LRP1B: variants seen among roughly 807,000 people sequenced by gnomAD.
LRP1B encodes low-density lipoprotein receptor-related protein 1B.
In LRP1B, 217 loss-of-function variants were observed where a neutral mutation model predicts 556.6. The observed-to-expected ratio is 0.39, with a 90% CI of 0.35 to 0.44. The LOEUF is 0.44. Ranked by LOEUF, LRP1B falls within the 20% of genes least tolerant of loss-of-function variation. The pLI is 1.00. For missense variants in LRP1B, 5,053 were observed against 5,620.8 expected (o/e 0.90, Z 3.23); for synonymous variants, 2,047 against 1,865.8 (o/e 1.10, Z -2.50).
At chr2:141,422,703 T>C (rs1488591537) in intron 3 of LRP1B, among the ~76,000 whole-genome samples, 2 of 152,222 alleles carry the variant, frequency 1.3e-5, no homozygotes, top group African/African-American at 4.8e-5. Context: ...TATATACTTG[T>C]TGATAATGAT....
At chr2:141,967,790 T>C (rs1419304056) in intron 1 of LRP1B, among the ~76,000 whole-genome samples, 1 of 151,852 alleles carries the variant, frequency 6.6e-6, no homozygotes, top group Non-Finnish European at 1.5e-5. Context: ...TTGCTATGTA[T>C]AGAAATGATA....
chr2:140,762,836 A>C (rs1161410074), intron 35 of LRP1B, among the ~76,000 whole-genome samples: 1 of 152,160 alleles, frequency 6.6e-6, no homozygotes, highest in African/African-American at 2.4e-5. Flanking sequence ...TTTTTTAAAT[A>C]AATGCTATCA....
chr2:141,714,701 C>G (rs1392875794), intron 2 of LRP1B, among the ~76,000 whole-genome samples: 1 of 152,020 alleles, frequency 6.6e-6, no homozygotes. Flanking sequence ...GAGCAGGGTT[C>G]AGAGTTGGAA....
At chr2:141,463,588 A>G (rs1225902378) in intron 3 of LRP1B, among the ~76,000 whole-genome samples, 1 of 95,058 alleles carries the variant, frequency 1.1e-5, no homozygotes, top group Non-Finnish European at 1.9e-5. Context: ...ATAATTATAT[A>G]TAATATATAT....
intron 41 of LRP1B, among the ~76,000 whole-genome samples, chr2:140,628,207 C>G (rs1268078293): frequency 6.6e-6 from 1 of 152,006 alleles, no homozygotes; most frequent in Non-Finnish European, 1.5e-5. Flanking sequence ...CAGAGGACAC[C>G]AAGTAAAATA....
chr2:141,820,792 A>G (rs1696726051), intron 1 of LRP1B, among the ~76,000 whole-genome samples: 1 of 152,208 alleles, frequency 6.6e-6, no homozygotes, highest in Non-Finnish European at 1.5e-5. Flanking sequence ...GCCAAATAAG[A>G]ATAAAATTTG....
chr2:140,315,233 G>GA (rs1319760056), intron 82 of LRP1B, 134 bp from the exon 83 acceptor site: 2 of 561,304 alleles, frequency 3.6e-6, no homozygotes, highest in Admixed American at 3.7e-5. Flanking sequence ...TACAAAAGAA[G>GA]AAAAAATTAA....
intron 15 of LRP1B, among the ~76,000 whole-genome samples, chr2:140,999,974 C>T (rs998739042): frequency 6.6e-6 from 1 of 151,986 alleles, no homozygotes; most frequent in Non-Finnish European, 1.5e-5. Flanking sequence ...AGCAGTGGCA[C>T]ATACAATCAC....
chr2:141,978,954 C>G (rs1342278104), intron 1 of LRP1B, among the ~76,000 whole-genome samples: 1 of 151,500 alleles, frequency 6.6e-6, no homozygotes, highest in Non-Finnish European at 1.5e-5. Flanking sequence ...GATAAGAAAA[C>G]TGACCATCTT....
intron 41 of LRP1B, among the ~76,000 whole-genome samples, chr2:140,634,717 A>C (rs983647220): frequency 1.3e-5 from 2 of 152,060 alleles, no homozygotes; most frequent in African/African-American, 4.8e-5. Flanking sequence ...ATGAGAAAAA[A>C]AGACAATGGA....
chr2:141,449,335 A>C (rs1476890562), intron 3 of LRP1B, among the ~76,000 whole-genome samples: 1 of 152,218 alleles, frequency 6.6e-6, no homozygotes, highest in Non-Finnish European at 1.5e-5. Flanking sequence ...GTTGCATGCA[A>C]ATGTGAATAA....
chr2:140,349,488 G>C (rs1317359368), intron 77 of LRP1B, among the ~76,000 whole-genome samples: 1 of 151,342 alleles, frequency 6.6e-6, no homozygotes, highest in Non-Finnish European at 1.5e-5. Flanking sequence ...AAAATACATA[G>C]AATTAATGTA....
intron 35 of LRP1B, among the ~76,000 whole-genome samples, chr2:140,735,494 G>A (rs1559085114): frequency 6.6e-6 from 1 of 152,118 alleles, no homozygotes; most frequent in Non-Finnish European, 1.5e-5. Context: ...CTCCAGAGAG[G>A]TTCAAATGTT....
At chr2:141,439,503 C>T (rs1680881781) in intron 3 of LRP1B, among the ~76,000 whole-genome samples, 1 of 151,576 alleles carries the variant, frequency 6.6e-6, no homozygotes, top group Non-Finnish European at 1.5e-5. Flanking sequence ...TAAGTAATAA[C>T]ACATAAAACT....
intron 84 of LRP1B, among the ~76,000 whole-genome samples, chr2:140,291,906 A>AC (rs1683405293): frequency 6.6e-6 from 1 of 152,146 alleles, no homozygotes; most frequent in Admixed American, 6.6e-5. Flanking sequence ...CAATGGTTGA[A>AC]CTAGTTTACA....
At chr2:140,587,572 G>A (rs1682036408) in intron 43 of LRP1B, among the ~76,000 whole-genome samples, 1 of 152,170 alleles carries the variant, frequency 6.6e-6, no homozygotes, top group African/African-American at 2.4e-5. Context: ...AGGCTGGAGT[G>A]AAGATGGGAT....
intron 2 of LRP1B, among the ~76,000 whole-genome samples, chr2:141,489,314 CA>C (rs1683247278): frequency 1.3e-5 from 2 of 151,838 alleles, no homozygotes; most frequent in African/African-American, 4.8e-5. Context: ...GCTTTTCACA[CA>C]CAGTTAGATC....
At chr2:141,786,851 T>C (rs1695443757) in intron 2 of LRP1B, among the ~76,000 whole-genome samples, 1 of 152,014 alleles carries the variant, frequency 6.6e-6, no homozygotes, top group Admixed American at 6.6e-5. Context: ...TCATCATTAA[T>C]ACATGTTGAA....
At chr2:142,123,782 A>G (rs571914563) in intron 1 of LRP1B, among the ~76,000 whole-genome samples, 2 of 152,054 alleles carry the variant, frequency 1.3e-5, no homozygotes, top group South Asian at 4.1e-4. Flanking sequence ...GAAACTTTTA[A>G]ATACACAAGC....
Sources: allele counts gnomAD v4.1 joint callset (sites outside exome capture counted in the v4.1 genomes callset), GRCh38; gene constraint gnomAD v4.1.1; transcripts MANE v1.5; gene names NCBI Gene and HGNC (gene_info 2026-07-23, HGNC 2026-07-21).